Variants in PXDNL observed in about 807,000 individuals in gnomAD.
PXDNL encodes the protein probable oxidoreductase PXDNL.
Under a neutral mutation model 150.8 loss-of-function variants are expected in PXDNL, and 145 were observed. The ratio of observed to expected loss-of-function variants is 0.96; its 90% CI spans 0.84 to 1.10. The LOEUF (loss-of-function observed/expected upper bound fraction) is 1.10. PXDNL is among the 50% of genes least tolerant of loss of function. PXDNL has a pLI of 0.00. For missense variants in PXDNL, 2,087 were observed against 1,873.9 expected, an observed-to-expected ratio of 1.11 and a Z score of -2.10; for synonymous variants, 757 against 725.7, an observed-to-expected ratio of 1.04 and a Z score of -0.69.
chr8:51,465,564 G>T (rs1295803624), intron 8 of PXDNL, among the ~76,000 whole-genome samples: 1 of 152,110 alleles, frequency 6.6e-6, no homozygotes, highest in Non-Finnish European at 1.5e-5. Context: ...GAGCAATCAG[G>T]TAAGAGAAGG....
Position 51,472,318 on chromosome 8 carries a change from A to G in PXDNL, c.695-14T>C, listed in dbSNP as rs759089576. ...TTCGGGGGCTCTCTGCAACAAAAGA[A>G]TTATTGATGTATTTTTCAGAGATAC... On this transcript the variant is annotated splice_polypyrimidine_tract_variant and intron_variant, in intron 7 of 22. Coordinates refer to ENST00000356297, the MANE Select transcript of PXDNL (RefSeq NM_144651.5). The G allele has an allele frequency of 4.4e-6, 7 of 1,589,270 alleles. No homozygotes were observed. In the Admixed American group the frequency reaches 1.2e-4, roughly 27 times the overall value.
chr8:51,634,173 C>T (rs997421546), intron 2 of PXDNL, among the ~76,000 whole-genome samples: 8 of 152,116 alleles, frequency 5.3e-5, no homozygotes, highest in African/African-American at 1.9e-4. Flanking sequence ...ATGTAGGGAT[C>T]CAGTATCCTT....
At chr8:51,444,602 G>A (rs1809629265) in intron 12 of PXDNL, among the ~76,000 whole-genome samples, 1 of 152,160 alleles carries the variant, frequency 6.6e-6, no homozygotes. Context: ...TGAAATTCAT[G>A]TGCAATATGC....
intron 2 of PXDNL, among the ~76,000 whole-genome samples, chr8:51,598,803 G>A (rs373284897): frequency 2.6e-4 from 40 of 152,062 alleles, no homozygotes; most frequent in African/African-American, 8.2e-4. Context: ...ATAGGTTTGA[G>A]CAGAATTCAT....
intron 2 of PXDNL, among the ~76,000 whole-genome samples, chr8:51,645,451 A>G (rs13279418): frequency 0.54 from 81,969 of 152,106 alleles, 26,797 homozygotes; most frequent in Non-Finnish European, 0.71. Context: ...TATAACATCT[A>G]TTTAGAGGAT....
chr8:51,782,796 A>G (rs1199118962), intron 1 of PXDNL, among the ~76,000 whole-genome samples: 1 of 152,236 alleles, frequency 6.6e-6, no homozygotes, highest in Non-Finnish European at 1.5e-5. Context: ...TGGGGTTAAC[A>G]TAACCTTATC....
intron 10 of PXDNL, among the ~76,000 whole-genome samples, chr8:51,452,825 C>T (rs1016489211): frequency 6.6e-6 from 1 of 152,060 alleles, no homozygotes; most frequent in African/African-American, 2.4e-5. Flanking sequence ...AAAAACTGGA[C>T]CTTTGATATG....
At chr8:51,456,163 G>GA (rs1416153030) in intron 9 of PXDNL, among the ~76,000 whole-genome samples, 1 of 152,092 alleles carries the variant, frequency 6.6e-6, no homozygotes, top group East Asian at 1.9e-4. Flanking sequence ...TTTTCTAAAA[G>GA]AAAAATCTAA....
intron 4 of PXDNL, among the ~76,000 whole-genome samples, chr8:51,525,658 A>G (rs1297836622): frequency 6.6e-6 from 1 of 152,178 alleles, no homozygotes; most frequent in East Asian, 1.9e-4. Flanking sequence ...AAATAAAAAT[A>G]AAAAACCCTA....
chr8:51,602,740 T>A lies in PXDNL; in HGVS notation c.237-10042A>T, dbSNP rs77139664. Among the ~76,000 whole-genome samples the A allele has an allele frequency of 9.1e-3, 1,376 of 151,838 alleles. 8 individuals are homozygous for A. Among genetic ancestry groups the A allele is most frequent in the Non-Finnish European group, 0.014 (955 of 67,770 alleles). ...TTCTTTATCAACTTATTAAAAACCC[T>A]TTGTAAGCAAAAAATTAAACGTTTG... On this transcript the variant is annotated intron_variant, in intron 2 of 22. Coordinates refer to ENST00000356297, the MANE Select transcript of PXDNL (RefSeq NM_144651.5).
intron 5 of PXDNL, among the ~76,000 whole-genome samples, chr8:51,487,338 G>A (rs1810789420): frequency 1.3e-5 from 2 of 151,926 alleles, no homozygotes; most frequent in Non-Finnish European, 2.9e-5. Flanking sequence ...GTTTCAAGAT[G>A]TATCCCTTGA....
chr8:51,533,746 C>T (rs1454802807), intron 4 of PXDNL, among the ~76,000 whole-genome samples: 1 of 151,050 alleles, frequency 6.6e-6, no homozygotes, highest in African/African-American at 2.4e-5. Context: ...CTCGGCCTCC[C>T]GAGGTGCCGG....
chr8:51,640,367 G>C (rs1311959382), intron 2 of PXDNL, among the ~76,000 whole-genome samples: 2 of 152,130 alleles, frequency 1.3e-5, no homozygotes, highest in African/African-American at 4.8e-5. Context: ...AATTAGGCAG[G>C]AGAAGGAAAT....
chr8:51,673,305 A>C (rs1815538078), intron 1 of PXDNL, among the ~76,000 whole-genome samples: 2 of 152,216 alleles, frequency 1.3e-5, no homozygotes, highest in Non-Finnish European at 2.9e-5. Flanking sequence ...GAAAACCTAT[A>C]AGAAAAGATA....
At chr8:51,791,581 A>T (rs150451562) in intron 1 of PXDNL, among the ~76,000 whole-genome samples, 1 of 152,336 alleles carries the variant, frequency 6.6e-6, no homozygotes, top group East Asian at 1.9e-4. Context: ...TCGTTGGTCA[A>T]ATTCATTGGA....
In PXDNL at chr8:51,351,269, G is replaced by A. The variant is rs1350931703; in HGVS notation, c.3902-5322C>T. Among the ~76,000 whole-genome samples, 7 of 152,182 alleles carry A rather than the reference G, an allele frequency of 4.6e-5. 1 individual carries two copies. Among genetic ancestry groups the A allele is most frequent in the African/African-American group, 1.7e-4 (7 of 41,440 alleles). On this transcript the variant is annotated intron_variant, in intron 19 of 22. Coordinates refer to ENST00000356297, the MANE Select transcript of PXDNL (RefSeq NM_144651.5). ...CAGACTATAACATTATTTGGAAATA[G>A]GGTTGTTGCAGAGTAATTCGTTAAG...
At chr8:51,639,497 G>C (rs1173412762) in intron 2 of PXDNL, among the ~76,000 whole-genome samples, 1 of 151,852 alleles carries the variant, frequency 6.6e-6, no homozygotes, top group Non-Finnish European at 1.5e-5. Flanking sequence ...TCAAATAGAC[G>C]CATTAAAAAA....
chr8:51,340,549 C>G (rs1473814745), intron 20 of PXDNL, among the ~76,000 whole-genome samples: 1 of 152,088 alleles, frequency 6.6e-6, no homozygotes, highest in Non-Finnish European at 1.5e-5. Context: ...CTGCTTTATT[C>G]TATTTGAAAT....
chr8:51,444,348 C>T (rs1221202833), intron 12 of PXDNL, among the ~76,000 whole-genome samples: 1 of 152,088 alleles, frequency 6.6e-6, no homozygotes, highest in South Asian at 2.1e-4. Flanking sequence ...CCTCAAGGGT[C>T]TCTGGATCTC....
Sources: gnomAD v4.1 joint callset for allele counts (sites outside exome capture counted in the v4.1 genomes callset) on GRCh38, gnomAD v4.1.1 for gene constraint, MANE v1.5 for transcripts, NCBI Gene and HGNC (gene_info 2026-07-23, HGNC 2026-07-21) for gene names.